The following PNMA3 variants were observed in gnomAD, a reference collection of about 807,000 sequenced individuals.
The protein encoded by PNMA3 is paraneoplastic antigen Ma3.
PNMA3 carries 10 observed loss-of-function variants against 25.1 expected under a neutral mutation model. That is an observed-to-expected ratio of 0.40 (90% CI 0.25 to 0.68). The LOEUF (loss-of-function observed/expected upper bound fraction) is 0.68. Ranked by LOEUF, PNMA3 falls within the 30% of genes least tolerant of loss-of-function variation. The pLI is 0.40. For synonymous variants in PNMA3, 134 were observed against 148.7 expected (o/e 0.90, Z 0.72); for missense variants, 317 against 372.1 (o/e 0.85, Z 1.22).
chrX:153,056,887 C>A, intron 1 of PNMA3, 63 bp from the exon 2 acceptor site: 1 of 620,918 alleles, frequency 1.6e-6, no homozygotes, highest in Non-Finnish European at 2.2e-6. Context: ...TGGGGGTGGG[C>A]GTGGATGTGG....
chrX:153,057,851 A>G lies in PNMA3; in HGVS notation c.796A>G (p.Ser266Gly). ...TCAGGAGGCAGGAGAGAAAGTATCTAGCTTTGTGTTACGTTTGGAACCCCT... is the reference window on the plus strand; with the variant it reads ...TCAGGAGGCAGGAGAGAAAGTATCTGGCTTTGTGTTACGTTTGGAACCCCT... ...AYQEAGEKVSSFVLRLEPLLQ... is the reference protein window; with the variant it reads ...AYQEAGEKVSGFVLRLEPLLQ... The change falls in exon 2 of 2, where the codon AGC (serine) becomes GGC (glycine). Residue 266 changes from serine (S) to glycine (G), a missense_variant. Transcript: ENST00000593810. 8.2e-7 allele frequency: 1 copy of G among 1,212,589 alleles called. No individual in the cohort carries two copies. The highest frequency in any genetic ancestry group is 1.1e-6 in the Non-Finnish European group (1 of 895,703).
Position 153,058,333 on chromosome X carries a change from G to C in PNMA3, c.1278G>C (p.Gln426His). ...GGGAAGACGGCCACATCAGGGTACA[G>C]TGCATCAACCCCTCCAACCTGCTCT... ...SCGEDGHIRV[Q>H]CINPSNLLLV... Residue 426 changes from glutamine to histidine, a missense_variant, in exon 2 of 2, where the codon CAG becomes CAC. Gln to His is a conservative substitution (Grantham distance 24). Coordinates refer to ENST00000593810, the MANE Select transcript of PNMA3 (RefSeq NM_013364.6). The C allele has an allele frequency of 8.2e-7, 1 of 1,212,141 alleles. No individual in the cohort carries two copies. The highest frequency in any genetic ancestry group is 1.1e-6 in the Non-Finnish European group (1 of 895,524).
chrX:153,056,679 A>C, intron 1 of PNMA3, 41 bp downstream of exon 1: 1 of 135,224 alleles, frequency 7.4e-6, no homozygotes, highest in Non-Finnish European at 1.4e-5. Context: ...GGGCCCCGGG[A>C]GACTCCGCCG....
Position 153,058,598 on chromosome X carries a change from C to G in PNMA3, c.*151C>G. ...CAGACCAAGGCCAAGCCTTCTCACC[C>G]TTGGCCAGCTGGAAGGGACTTCAGC... On this transcript the variant is annotated 3_prime_UTR_variant, in exon 2 of 2. Transcript: ENST00000593810. 3 of 1,175,329 alleles carry G rather than the reference C, an allele frequency of 2.6e-6. No homozygotes were observed. The highest frequency in any genetic ancestry group is 3.4e-6 in the Non-Finnish European group (3 of 877,139).
In PNMA3 at chrX:153,058,205, C is replaced by T. The variant is rs144738062; in HGVS notation, c.1150C>T (p.Arg384Trp). 3.1e-4 allele frequency: 371 copies of T among 1,210,520 alleles called. 1 individual carries two copies. The highest frequency in any genetic ancestry group is 3.8e-4 in the Non-Finnish European group (337 of 895,199). Residue 384 changes from arginine to tryptophan, a missense_variant, in exon 2 of 2, where the codon CGG (arginine) becomes TGG (tryptophan). Arg to Trp is a moderately radical substitution (Grantham distance 101, BLOSUM62 -3). Coordinates refer to ENST00000593810, the MANE Select transcript of PNMA3 (RefSeq NM_013364.6). The stretch of plus-strand genomic sequence containing the variant: ...TGATGCGAGGCCTTCCCAGGGCTAC[C>T]GGCGCCGGAGGGGCAGAGGCCAACA... ...SFDARPSQGY[R>W]RRRGRGQHRR...
chrX:153,058,033 G>T lies in PNMA3; in HGVS notation c.978G>T (p.Leu326=). 1 of 1,212,213 alleles carries T rather than the reference G, an allele frequency of 8.2e-7. No homozygotes were observed. The highest frequency in any genetic ancestry group is 1.1e-6 in the Non-Finnish European group (1 of 895,588). Residue 326 remains leucine, a synonymous_variant, in exon 2 of 2, where the codon CTG becomes CTT. Coordinates refer to ENST00000593810, the MANE Select transcript of PNMA3 (RefSeq NM_013364.6). Reference sequence around the variant, plus strand: ...GGAAGCCTCCTGGTTTCCTGGCCCTGGTGAAGCTCCTGCGTGAGGAGGAGG... The same window carrying T: ...GGAAGCCTCCTGGTTTCCTGGCCCTTGTGAAGCTCCTGCGTGAGGAGGAGG... ...QRRKPPGFLA[L]VKLLREEEEW... is the part of the protein sequence containing the mutation.
rs782235238 is a variant in PNMA3 at position 153,058,343 on chromosome X, C to T, written c.1288C>T (p.Pro430Ser). 22 of 1,210,483 alleles carry T rather than the reference C, an allele frequency of 1.8e-5. No homozygotes were observed. Among genetic ancestry groups the T allele is most frequent in the Non-Finnish European group, 4.5e-6 (4 of 895,244 alleles). ...DGHIRVQCIN[P>S]SNLLLVKQKK... Reference sequence around the variant, plus strand: ...CCACATCAGGGTACAGTGCATCAACCCCTCCAACCTGCTCTTGGTAAAGCA... The same window carrying T: ...CCACATCAGGGTACAGTGCATCAACTCCTCCAACCTGCTCTTGGTAAAGCA... Residue 430 changes from proline (P) to serine (S), a missense_variant, in exon 2 of 2, where the codon CCC becomes TCC. Transcript: ENST00000593810.
In PNMA3 at chrX:153,057,399, G is replaced by A. The variant is rs781894108; in HGVS notation, c.344G>A (p.Arg115Gln). 1.8e-5 allele frequency: 22 copies of A among 1,210,211 alleles called. No homozygotes were observed. The highest frequency in any genetic ancestry group is 1.5e-4 in the East Asian group (5 of 33,765). ...AACCGCTTCTTAGAGGAGGAGAGGC[G>A]GACCGTGTCAGATATGAACCGAGTC... ...RLNRFLEEER[R>Q]TVSDMNRVLG... The change falls in exon 2 of 2, where the codon CGG (arginine) becomes CAG (glutamine). Residue 115 changes from arginine (R) to glutamine (Q), a missense_variant. Transcript: ENST00000593810.
At position 153,057,247 on chromosome X, in the gene PNMA3, G is replaced by A; in HGVS notation, c.192G>A (p.Ala64=). Residue 64 remains alanine, a synonymous_variant, in exon 2 of 2, where the codon GCG becomes GCA. Coordinates refer to ENST00000593810, the MANE Select transcript of PNMA3 (RefSeq NM_013364.6). ...RMFRREENAQ[A]ILLELAQDID... ...TTAGGAGGGAGGAGAACGCCCAGGC[G>A]ATTCTACTGGAGCTGGCACAAGATA... 1 of 1,211,696 alleles carries A rather than the reference G, an allele frequency of 8.3e-7. No homozygotes were observed. The highest frequency in any genetic ancestry group is 1.1e-6 in the Non-Finnish European group (1 of 895,461).
chrX:153,056,862 G>A (rs2051144457), intron 1 of PNMA3, 88 bp from the exon 2 acceptor site: 2 of 487,850 alleles, frequency 4.1e-6, no homozygotes, highest in Non-Finnish European at 6.1e-6. Context: ...GGAGGAGGGC[G>A]GCTGGGGGTG....
In PNMA3 at chrX:153,058,102, G is replaced by T. The variant is rs1556932359; in HGVS notation, c.1047G>T (p.Gly349=). Residue 349 remains glycine, a synonymous_variant, in exon 2 of 2, where the codon GGG becomes GGT. Coordinates refer to ENST00000593810, the MANE Select transcript of PNMA3 (RefSeq NM_013364.6). ...TLGPDRESLE[G]LEVAPRPPAR... is the part of the protein sequence containing the mutation. ...GTCCAGATAGGGAGAGTCTGGAGGG[G>T]CTGGAAGTAGCCCCAAGGCCACCTG... 8.3e-7 allele frequency: 1 copy of T among 1,211,693 alleles called. No homozygotes were observed. Among genetic ancestry groups the T allele is most frequent in the South Asian group, 1.8e-5 (1 of 56,964 alleles).
chrX:153,056,557 C>T lies in PNMA3; in HGVS notation c.-188C>T, dbSNP rs782293438. ...GAGCCAGGGGTGCCCGACCCCCGTC[C>T]GCCGCCGCCGCCGCCGCCGCGCATA... On this transcript the variant is annotated 5_prime_UTR_variant, in exon 1 of 2. Transcript: ENST00000593810. 2 of 118,425 alleles carry T rather than the reference C, an allele frequency of 1.7e-5. No individual in the cohort carries two copies. The highest frequency in any genetic ancestry group is 3.4e-5 in the Non-Finnish European group (2 of 58,834). 9.8% of individuals were successfully genotyped at this position (118,425 alleles called of 1,213,427 possible).
At position 153,058,503 on chromosome X, in the gene PNMA3, T is replaced by G; in HGVS notation, c.*56T>G. ...ACAGGCCAAGGAGACAAAAGAGATA[T>G]TGGAAGGAGGGGAAAGAGAAGCCCA... On this transcript the variant is annotated 3_prime_UTR_variant, in exon 2 of 2. Coordinates refer to ENST00000593810, the MANE Select transcript of PNMA3 (RefSeq NM_013364.6). 2 of 1,210,344 alleles carry G rather than the reference T, an allele frequency of 1.7e-6. No homozygotes were observed. Among genetic ancestry groups the G allele is most frequent in the Non-Finnish European group, 2.2e-6 (2 of 894,973 alleles).
In PNMA3 at chrX:153,057,716, C is replaced by T. The variant is rs782242475; in HGVS notation, c.661C>T (p.Arg221Trp). 3.4e-5 allele frequency: 41 copies of T among 1,210,623 alleles called. No individual in the cohort carries two copies. The highest frequency in any genetic ancestry group is 4.0e-5 in the Non-Finnish European group (36 of 895,318). The change falls in exon 2 of 2, where the codon CGG becomes TGG. Residue 221 changes from arginine to tryptophan, a missense_variant. Physicochemically the swap from Arg to Trp is moderately radical, Grantham distance 101. Coordinates refer to ENST00000593810, the MANE Select transcript of PNMA3 (RefSeq NM_013364.6). ...GPALQVVSGL[R>W]ASNASITVEE... is the part of the protein sequence containing the mutation. ...TGCTCTCCAGGTGGTCAGTGGGCTC[C>T]GGGCCAGCAATGCTTCCATAACTGT...
At chrX:153,056,892 A>G (rs1719527204) in intron 1 of PNMA3, 58 bp from the exon 2 acceptor site, 4 of 643,874 alleles carry the variant, frequency 6.2e-6, no homozygotes, top group Non-Finnish European at 6.5e-6. Context: ...GTGGGCGTGG[A>G]TGTGGGCGTG....
In PNMA3 at chrX:153,057,104, A is replaced by G. The variant is rs1556932037; in HGVS notation, c.49A>G (p.Thr17Ala). Residue 17 changes from threonine (T) to alanine (A), a missense_variant, in exon 2 of 2, where the codon ACC becomes GCC. Transcript: ENST00000593810. ...QDWCRGEHLN[T>A]RRCMLILGIP... ...CTGGTGTCGGGGGGAACACCTGAAC[A>G]CCCGGAGGTGCATGCTCATCCTGGG... is the stretch of plus-strand genomic sequence containing the variant. The G allele has an allele frequency of 1.7e-6, 2 of 1,211,077 alleles. No homozygotes were observed. The highest frequency in any genetic ancestry group is 4.3e-5 in the Admixed American group (2 of 46,010).
Position 153,058,934 on chromosome X carries a change from TG to T in PNMA3, c.*493del, listed in dbSNP as rs782797218. 2 of 235,721 alleles carry T rather than the reference TG, an allele frequency of 8.5e-6. No individual in the cohort carries two copies. Among genetic ancestry groups the T allele is most frequent in the Non-Finnish European group, 1.6e-5 (2 of 123,099 alleles). The allele number at this position is 235,721 out of a possible 1,213,427, so 19.4% of individuals were successfully genotyped here. ...GGTGCCAGGGCTGGTGAGGAAGAGC[TG>T]GGGGGCAGAGGTAAAGCCCTGCAGG... On this transcript the variant is annotated 3_prime_UTR_variant, in exon 2 of 2. Transcript: ENST00000593810.
At position 153,058,225 on chromosome X, in the gene PNMA3, C is replaced by A. The variant is rs782035057; in HGVS notation, c.1170C>A (p.Gly390=). 2.6e-5 allele frequency: 32 copies of A among 1,212,006 alleles called. No homozygotes were observed. The highest frequency in any genetic ancestry group is 3.4e-5 in the Non-Finnish European group (30 of 895,486). ...SQGYRRRRGR[G]QHRRGGVARA... ...GCTACCGGCGCCGGAGGGGCAGAGG[C>A]CAACACCGAAGGGGTGGTGTGGCAA... Residue 390 remains glycine, a synonymous_variant, in exon 2 of 2, where the codon GGC becomes GGA. Transcript: ENST00000593810.
intron 1 of PNMA3, 95 bp from the exon 2 acceptor site, chrX:153,056,855 G>A: frequency 8.6e-6 from 4 of 463,554 alleles, no homozygotes; most frequent in Non-Finnish European, 1.3e-5. Context: ...CGCCCGGGGA[G>A]GAGGGCGGCT....
Sources: allele counts gnomAD v4.1 joint callset, GRCh38; gene constraint gnomAD v4.1.1; transcripts MANE v1.5; gene names NCBI Gene and HGNC (gene_info 2026-07-23, HGNC 2026-07-21).